LRMDA: variants seen among roughly 807,000 people sequenced by gnomAD.
LRMDA encodes the protein leucine rich melanocyte differentiation associated.
In LRMDA, 18 loss-of-function variants were observed where a neutral mutation model predicts 29.8. The observed-to-expected ratio is 0.60, with a 90% CI of 0.42 to 0.90. The LOEUF (loss-of-function observed/expected upper bound fraction) is 0.90. Ranked by LOEUF, LRMDA falls within the 40% of genes least tolerant of loss-of-function variation. LRMDA has a pLI of 0.00. For missense variants in LRMDA, 273 were observed against 273.9 expected, an observed-to-expected ratio of 1.00 and a Z score of 0.02; for synonymous variants, 125 against 109.4, an observed-to-expected ratio of 1.14 and a Z score of -0.89.
At chr10:76,199,863 A>G (rs1199211453) in intron 5 of LRMDA, among the ~76,000 whole-genome samples, 4 of 152,198 alleles carry the variant, frequency 2.6e-5, no homozygotes, top group Non-Finnish European at 4.4e-5. Flanking sequence ...ACAACATGTG[A>G]TGCACATTGA....
intron 2 of LRMDA, chr10:75,450,796 C>G (rs977002673): frequency 6.6e-6 from 1 of 152,340 alleles, no homozygotes; most frequent in South Asian, 2.1e-4. Flanking sequence ...TATTCGGGCT[C>G]GAATGTCACC....
At chr10:76,164,700 T>C (rs530154310) in intron 5 of LRMDA, among the ~76,000 whole-genome samples, 1 of 152,222 alleles carries the variant, frequency 6.6e-6, no homozygotes, top group African/African-American at 2.4e-5. Flanking sequence ...CCACAATACT[T>C]TTGTGTTTAT....
At chr10:75,918,017 C>T (rs548057214) in intron 2 of LRMDA, among the ~76,000 whole-genome samples, 1 of 152,146 alleles carries the variant, frequency 6.6e-6, no homozygotes, top group African/African-American at 2.4e-5. Context: ...ATTCCTGACA[C>T]CCCCAGAGCT....
At chr10:76,296,915 A>G (rs1840418313) in intron 5 of LRMDA, among the ~76,000 whole-genome samples, 1 of 152,222 alleles carries the variant, frequency 6.6e-6, no homozygotes, top group Non-Finnish European at 1.5e-5. Context: ...GGAAGTTGAT[A>G]GAGTTGTCAC....
intron 5 of LRMDA, among the ~76,000 whole-genome samples, chr10:76,070,706 A>ACCT (rs1848860968): frequency 1.4e-5 from 2 of 145,506 alleles, no homozygotes; most frequent in African/African-American, 5.0e-5. Context: ...TAAATGAAAT[A>ACCT]CTTCTGCTCT....
chr10:76,330,385 G>T (rs1564726130), intron 6 of LRMDA, among the ~76,000 whole-genome samples: 1 of 152,166 alleles, frequency 6.6e-6, no homozygotes, highest in African/African-American at 2.4e-5. Flanking sequence ...ATAGATTGAG[G>T]GGAAACCTAG....
intron 5 of LRMDA, among the ~76,000 whole-genome samples, chr10:76,089,289 C>G (rs1849190123): frequency 6.6e-6 from 1 of 152,158 alleles, no homozygotes; most frequent in East Asian, 1.9e-4. Flanking sequence ...GACTCCAAAG[C>G]CTGCATCCTT....
intron 2 of LRMDA, among the ~76,000 whole-genome samples, chr10:75,566,757 T>G (rs1840377224): frequency 6.6e-6 from 1 of 152,172 alleles, no homozygotes; most frequent in African/African-American, 2.4e-5. Flanking sequence ...CCCCACTTTC[T>G]CTTTCTCCCA....
chr10:75,644,787 A>G (rs191405081), intron 2 of LRMDA, among the ~76,000 whole-genome samples: 1 of 152,270 alleles, frequency 6.6e-6, no homozygotes, highest in East Asian at 1.9e-4. Flanking sequence ...CCTGGAAAGG[A>G]TGTAAACCTC....
At chr10:76,274,835 T>C (rs976354158) in intron 5 of LRMDA, among the ~76,000 whole-genome samples, 7 of 152,198 alleles carry the variant, frequency 4.6e-5, no homozygotes, top group Non-Finnish European at 8.8e-5. Flanking sequence ...AGGATGAAGA[T>C]CACAACTTTC....
At chr10:75,534,944 G>C (rs1589172583) in intron 2 of LRMDA, among the ~76,000 whole-genome samples, 1 of 151,950 alleles carries the variant, frequency 6.6e-6, no homozygotes, top group Non-Finnish European at 1.5e-5. Flanking sequence ...ATACCCATAA[G>C]CTTCATTAAA....
At chr10:75,583,441 G>T (rs1050310233) in intron 2 of LRMDA, among the ~76,000 whole-genome samples, 1 of 152,162 alleles carries the variant, frequency 6.6e-6, no homozygotes, top group Non-Finnish European at 1.5e-5. Flanking sequence ...AAGGAAGAGA[G>T]AGAGAAGGGG....
At chr10:76,139,340 T>C (rs1850155289) in intron 5 of LRMDA, among the ~76,000 whole-genome samples, 1 of 152,204 alleles carries the variant, frequency 6.6e-6, no homozygotes, top group South Asian at 2.1e-4. Context: ...TCATATTTAG[T>C]TAAAAATTTT....
intron 2 of LRMDA, among the ~76,000 whole-genome samples, chr10:75,477,769 G>A (rs771624625): frequency 2.0e-5 from 3 of 152,212 alleles, no homozygotes; most frequent in Non-Finnish European, 2.9e-5. Flanking sequence ...ATCACTCAGG[G>A]TATACCATGT....
At chr10:75,551,765 A>G (rs61859957) in intron 2 of LRMDA, among the ~76,000 whole-genome samples, 1 of 152,064 alleles carries the variant, frequency 6.6e-6, no homozygotes, top group Non-Finnish European at 1.5e-5. Flanking sequence ...TTTGCTGGGC[A>G]CTGTGGCTTA....
chr10:75,681,175 G>A (rs1233347609), intron 2 of LRMDA, among the ~76,000 whole-genome samples: 2 of 152,162 alleles, frequency 1.3e-5, no homozygotes, highest in African/African-American at 4.8e-5. Flanking sequence ...CTTATTTTGT[G>A]TTAATTTCCT....
chr10:75,933,799 G>C (rs1487708850), intron 2 of LRMDA, among the ~76,000 whole-genome samples: 1 of 152,154 alleles, frequency 6.6e-6, no homozygotes, highest in Non-Finnish European at 1.5e-5. Flanking sequence ...TTAGGTGCCT[G>C]TAGCTGTCTC....
chr10:76,230,288 A>G (rs1852034232), intron 5 of LRMDA, among the ~76,000 whole-genome samples: 1 of 152,226 alleles, frequency 6.6e-6, no homozygotes, highest in Non-Finnish European at 1.5e-5. Context: ...GCGAGTCAGT[A>G]GTTTTAAATC....
chr10:75,481,510 T>G (rs1247737633), intron 2 of LRMDA, among the ~76,000 whole-genome samples: 1 of 152,194 alleles, frequency 6.6e-6, no homozygotes, highest in Non-Finnish European at 1.5e-5. Flanking sequence ...TAATGTCCTC[T>G]AAACACTTTT....
Sources: gnomAD v4.1 joint callset for allele counts (sites outside exome capture counted in the v4.1 genomes callset) on GRCh38, gnomAD v4.1.1 for gene constraint, MANE v1.5 for transcripts, NCBI Gene and HGNC (gene_info 2026-07-23, HGNC 2026-07-21) for gene names.